RAB3IP: variants seen among roughly 807,000 people sequenced by gnomAD.
RAB3IP encodes rab-3A-interacting protein.
In RAB3IP, 36 loss-of-function variants were observed where a neutral mutation model predicts 59.1. The ratio of observed to expected loss-of-function variants is 0.61; its 90% CI spans 0.47 to 0.80. The LOEUF (loss-of-function observed/expected upper bound fraction) is 0.80. Among genes scored for constraint, RAB3IP ranks in the 30% least tolerant of loss-of-function variants. The pLI is 0.00. For missense variants in RAB3IP, 511 were observed against 536.0 expected (o/e 0.95, Z 0.46); for synonymous variants, 207 against 191.2 (o/e 1.08, Z -0.68).
chr12:69,780,812 T>G (rs933521264), intron 3 of RAB3IP, among the ~76,000 whole-genome samples: 1 of 152,318 alleles, frequency 6.6e-6, no homozygotes, highest in African/African-American at 2.4e-5. Flanking sequence ...CTAAATCTTT[T>G]TTTTTTTTAA....
At chr12:69,745,351 T>C (rs967426739) in intron 1 of RAB3IP, among the ~76,000 whole-genome samples, 1 of 152,124 alleles carries the variant, frequency 6.6e-6, no homozygotes, top group Non-Finnish European at 1.5e-5. Flanking sequence ...GTATAAAATA[T>C]CTACACTTTT....
chr12:69,763,559 T>A (rs1871711230), intron 3 of RAB3IP, among the ~76,000 whole-genome samples: 1 of 152,218 alleles, frequency 6.6e-6, no homozygotes, highest in South Asian at 2.1e-4. Context: ...CATCTCCTAT[T>A]ATAATTCTTT....
At chr12:69,763,096 A>C (rs1401586820) in intron 3 of RAB3IP, among the ~76,000 whole-genome samples, 1 of 152,232 alleles carries the variant, frequency 6.6e-6, no homozygotes, top group Non-Finnish European at 1.5e-5. Context: ...ATGTCAATGC[A>C]GTCTTTTTTA....
chr12:69,756,408 T>G lies in RAB3IP; in HGVS notation c.255T>G (p.Phe85Leu). The change falls in exon 3 of 11, where the codon TTT becomes TTG. Residue 85 changes from phenylalanine (F) to leucine (L), a missense_variant. Coordinates refer to ENST00000247833, the MANE Select transcript of RAB3IP (RefSeq NM_022456.5). Reference protein sequence around the residue: ...LNCAEISSISFHVTDPAPCST... With the variant: ...LNCAEISSISLHVTDPAPCST... ...AAAATGTCTCTCTCCTTTACAGCTT[T>G]CATGTTACAGACCCAGCCCCTTGCT... 6.2e-7 allele frequency: 1 copy of G among 1,613,378 alleles called. No individual in the cohort carries two copies. Among genetic ancestry groups the G allele is most frequent in the Non-Finnish European group, 8.5e-7 (1 of 1,179,754 alleles).
chr12:69,757,471 T>A (rs908129381), intron 3 of RAB3IP, among the ~76,000 whole-genome samples: 2 of 152,206 alleles, frequency 1.3e-5, no homozygotes, highest in Admixed American at 6.5e-5. Context: ...GACAGATTTA[T>A]CAGTAGCAGG....
At chr12:69,796,853 A>G (rs997322669) in intron 6 of RAB3IP, among the ~76,000 whole-genome samples, 1 of 152,128 alleles carries the variant, frequency 6.6e-6, no homozygotes, top group Admixed American at 6.6e-5. Context: ...TTTCCCCCCT[A>G]TTTACACTAA....
chr12:69,784,583 GATAA>G, intron 3 of RAB3IP, 133 bp from the exon 4 acceptor site: 1 of 374,002 alleles, frequency 2.7e-6, no homozygotes, highest in Admixed American at 4.5e-5. Flanking sequence ...GCAGGTGCTA[GATAA>G]ATACTTTCAA....
intron 3 of RAB3IP, among the ~76,000 whole-genome samples, chr12:69,770,216 C>CT (rs1490029458): frequency 6.6e-6 from 1 of 152,172 alleles, no homozygotes; most frequent in East Asian, 1.9e-4. Context: ...ATGAAATACA[C>CT]TTGATTATAG....
At chr12:69,803,299 T>C (rs1010857241) in intron 8 of RAB3IP, among the ~76,000 whole-genome samples, 2 of 152,102 alleles carry the variant, frequency 1.3e-5, no homozygotes, top group African/African-American at 2.4e-5. Flanking sequence ...TGGAAAAAAC[T>C]AAAGGAAGAT....
chr12:69,812,220 A>G (rs7955643), intron 8 of RAB3IP: 116,611 of 152,258 alleles, frequency 0.77, 44,782 homozygotes, highest in East Asian at 0.88. Flanking sequence ...AGAAAGGATC[A>G]TGTGAAATTC....
intron 1 of RAB3IP, among the ~76,000 whole-genome samples, chr12:69,749,277 T>C (rs1868843114): frequency 6.6e-6 from 1 of 152,182 alleles, no homozygotes; most frequent in Admixed American, 6.5e-5. Flanking sequence ...GCAAGGGATC[T>C]AGGTTGCATG....
chr12:69,806,834 G>A (rs548142258), intron 8 of RAB3IP, among the ~76,000 whole-genome samples: 3 of 152,034 alleles, frequency 2.0e-5, no homozygotes, highest in South Asian at 2.1e-4. Context: ...ATCTTGCACT[G>A]CCCTTAATCC....
intron 4 of RAB3IP, among the ~76,000 whole-genome samples, chr12:69,792,173 T>G (rs1876733364): frequency 6.6e-6 from 1 of 152,140 alleles, no homozygotes; most frequent in Non-Finnish European, 1.5e-5. Context: ...AAACGGGAGA[T>G]GTCGGTCATT....
chr12:69,750,005 A>C (rs1052261241), intron 1 of RAB3IP, among the ~76,000 whole-genome samples: 2 of 152,230 alleles, frequency 1.3e-5, no homozygotes, highest in African/African-American at 4.8e-5. Flanking sequence ...TTTTAATTCA[A>C]AACTAAGAGA....
chr12:69,797,589 T>A (rs1213281780), intron 6 of RAB3IP, among the ~76,000 whole-genome samples: 1 of 151,074 alleles, frequency 6.6e-6, no homozygotes, highest in Non-Finnish European at 1.5e-5. Context: ...TAGTTACAGA[T>A]GTATACATGT....
chr12:69,793,709 T>G lies in RAB3IP; in HGVS notation c.607-728T>G, dbSNP rs76468685. Among the ~76,000 whole-genome samples, 493 of 152,308 alleles carry G rather than the reference T, an allele frequency of 3.2e-3. 5 individuals carry two copies. The highest frequency in any genetic ancestry group is 0.011 in the African/African-American group (442 of 41,576). On this transcript the variant is annotated intron_variant, in intron 4 of 10. Coordinates refer to ENST00000247833, the MANE Select transcript of RAB3IP (RefSeq NM_022456.5). ...TTCTTATTCCGATGTTTTATTTGGT[T>G]AATACATATAAACAGAATGTAAGCT...
chr12:69,798,897 G>A (rs1877944287), intron 6 of RAB3IP, among the ~76,000 whole-genome samples: 1 of 152,122 alleles, frequency 6.6e-6, no homozygotes, highest in Non-Finnish European at 1.5e-5. Flanking sequence ...TAAACAGACT[G>A]TTAAATTGGA....
rs762553842 is a variant in RAB3IP at position 69,739,834 on chromosome 12, G to A, written c.-26+803G>A. The A allele has an allele frequency of 3.1e-6, 5 of 1,614,000 alleles. No homozygotes were observed. In the East Asian group the frequency reaches 1.1e-4, roughly 36 times the overall value. ...GGGTGGAAGTCGCAGCATGTGAAGA[G>A]TTGCCGGTTGTTATGGGATTAAAAA... On this transcript the variant is annotated intron_variant, in intron 1 of 10. Transcript: ENST00000247833.
intron 4 of RAB3IP, among the ~76,000 whole-genome samples, chr12:69,790,081 C>T (rs944652169): frequency 1.3e-5 from 2 of 152,056 alleles, no homozygotes; most frequent in Non-Finnish European, 2.9e-5. Flanking sequence ...TTAGAGCAAT[C>T]AGTCAAGAAA....
Sources: gnomAD v4.1 joint callset for allele counts (sites outside exome capture counted in the v4.1 genomes callset) on GRCh38, gnomAD v4.1.1 for gene constraint, MANE v1.5 for transcripts, NCBI Gene and HGNC (gene_info 2026-07-23, HGNC 2026-07-21) for gene names.